SPDYE18: variants seen among roughly 807,000 people sequenced by gnomAD.
SPDYE18 encodes speedy/RINGO cell cycle regulator family member E18.
A neutral mutation model predicts 44.9 loss-of-function variants in SPDYE18; 6 were observed. The observed-to-expected ratio is 0.13, with a 90% CI of 0.07 to 0.26. The LOEUF (loss-of-function observed/expected upper bound fraction) is 0.26, where lower values mean the gene tolerates loss of function less well. Ranked by LOEUF, SPDYE18 falls within the 10% of genes least tolerant of loss-of-function variation. The probability of loss-of-function intolerance (pLI) is 1.00; values close to 1 mark genes in which losing one functional copy is unlikely to be tolerated. For synonymous variants in SPDYE18, 35 were observed against 177.1 expected, an observed-to-expected ratio of 0.20 and a Z score of 6.37; for missense variants, 121 against 463.2, an observed-to-expected ratio of 0.26 and a Z score of 6.78.
At chr7:77,058,950 A>G (rs965453572) in intron 3 of SPDYE18, among the ~76,000 whole-genome samples, 4 of 152,026 alleles carry the variant, frequency 2.6e-5, no homozygotes, top group African/African-American at 9.7e-5. Flanking sequence ...GAGCCACTGC[A>G]CCTAGCCCGA....
intron 1 of SPDYE18, among the ~76,000 whole-genome samples, 90 bp from the exon 2 acceptor site, chr7:77,061,023 T>G (rs1583980958): frequency 8.9e-6 from 1 of 112,626 alleles, no homozygotes. Flanking sequence ...TGTACAAGAG[T>G]GAGATTATCA....
chr7:77,060,947 G>T lies in SPDYE18; in HGVS notation c.-421-14C>A, dbSNP rs1200853425. The stretch of plus-strand genomic sequence containing the variant: ...TCAGAGTCCAGTCTGGTGGGAGAGG[G>T]AACAGAGTGGGAAAGAAAACTAGGG... On this transcript the variant is annotated splice_polypyrimidine_tract_variant and intron_variant, in intron 1 of 8. Coordinates refer to ENST00000510091, the MANE Select transcript of SPDYE18 (RefSeq NM_001394953.1). Among the ~76,000 whole-genome samples, 1 of 149,860 alleles carries T rather than the reference G, an allele frequency of 6.7e-6. No individual in the cohort carries two copies. Among genetic ancestry groups the T allele is most frequent in the Non-Finnish European group, 1.5e-5 (1 of 67,802 alleles).
chr7:77,057,533 C>A (rs1410615394), intron 4 of SPDYE18, 104 bp downstream of exon 4: 1 of 586,514 alleles, frequency 1.7e-6, no homozygotes, highest in African/African-American at 1.9e-5. Context: ...ATGGAGAGCT[C>A]ACCCACTGGG....
Position 77,050,945 on chromosome 7 carries a change from C to T in SPDYE18, c.*980G>A, listed in dbSNP as rs62474216. 0.97 allele frequency among the ~76,000 whole-genome samples: 145,242 copies of T among 149,128 alleles called. 70,680 individuals are homozygous for T. The highest frequency in any genetic ancestry group is 1 in the East Asian group (5,152 of 5,156). Reference sequence around the variant, plus strand: ...AAATATTTCAATAAATAAAATAATACTTAAATAATTCTATACCCATGTTTT... The same window carrying T: ...AAATATTTCAATAAATAAAATAATATTTAAATAATTCTATACCCATGTTTT... On this transcript the variant is annotated 3_prime_UTR_variant, in exon 9 of 9. Transcript: ENST00000510091.
chr7:77,057,345 G>C (rs1347272905), intron 4 of SPDYE18, among the ~76,000 whole-genome samples: 1 of 151,878 alleles, frequency 6.6e-6, no homozygotes, highest in East Asian at 1.9e-4. Flanking sequence ...TCAAAGTCCT[G>C]AGTTCAAGCA....
intron 5 of SPDYE18, 139 bp downstream of exon 5, chr7:77,056,411 C>G: frequency 3.0e-6 from 1 of 332,366 alleles, no homozygotes. Flanking sequence ...CTCTGTCTCA[C>G]AAAAAAAAAA....
intron 2 of SPDYE18, among the ~76,000 whole-genome samples, chr7:77,059,828 T>G (rs1789991256): frequency 6.8e-6 from 1 of 146,952 alleles, no homozygotes; most frequent in Non-Finnish European, 1.5e-5. Context: ...TTTTGTACTT[T>G]TAGTAGAGAC....
rs372257820 is a variant in SPDYE18 at position 77,051,580 on chromosome 7, G to T, written c.*345C>A. 6.6e-6 allele frequency among the ~76,000 whole-genome samples: 1 copy of T among 152,282 alleles called. No individual in the cohort carries two copies. Among genetic ancestry groups the T allele is most frequent in the African/African-American group, 2.4e-5 (1 of 41,486 alleles). ...TAAGAAACAGGACCTCCAGGTTCCG[G>T]CCCAGGGAGGTTGGAATTCAGCAAT... is the stretch of plus-strand genomic sequence containing the variant. On this transcript the variant is annotated 3_prime_UTR_variant, in exon 9 of 9. Coordinates refer to ENST00000510091, the MANE Select transcript of SPDYE18 (RefSeq NM_001394953.1).
chr7:77,053,123 G>C lies in SPDYE18; in HGVS notation c.836C>G (p.Ser279Cys). The C allele has an allele frequency of 6.2e-7, 1 of 1,614,220 alleles. No homozygotes were observed. Among genetic ancestry groups the C allele is most frequent in the Non-Finnish European group, 8.5e-7 (1 of 1,180,052 alleles). ...IFYFLYGKTR[S>C]RIPLVRNRRF... ...ACGGTTACGGACCAAGGGTATGCGA[G>C]AGCGGGTCTTCCCATACAGGAAGTA... is the stretch of plus-strand genomic sequence containing the variant. The change falls in exon 7 of 9, where the codon TCT (serine) becomes TGT (cysteine). Residue 279 changes from serine to cysteine, a missense_variant. Ser to Cys is a moderately radical substitution (Grantham distance 112). Transcript: ENST00000510091.
At chr7:77,053,932 C>T (rs930550818) in intron 6 of SPDYE18, among the ~76,000 whole-genome samples, 27 of 146,728 alleles carry the variant, frequency 1.8e-4, no homozygotes, top group African/African-American at 6.6e-4. Flanking sequence ...ATCGCTTGAG[C>T]CCAGGATATG....
At chr7:77,057,234 G>A (rs1789939365) in intron 4 of SPDYE18, among the ~76,000 whole-genome samples, 1 of 152,154 alleles carries the variant, frequency 6.6e-6, no homozygotes, top group Non-Finnish European at 1.5e-5. Context: ...GGGATTACAT[G>A]CATGAGCTAC....
chr7:77,058,800 G>A (rs1239574853), intron 3 of SPDYE18, among the ~76,000 whole-genome samples: 2 of 151,690 alleles, frequency 1.3e-5, no homozygotes, highest in Admixed American at 6.6e-5. Flanking sequence ...CCCGGCCTTC[G>A]TTTTTCTTTT....
chr7:77,052,078 T>G (rs2117310564), intron 8 of SPDYE18, among the ~76,000 whole-genome samples, 199 bp from the exon 9 acceptor site: 1 of 134,624 alleles, frequency 7.4e-6, no homozygotes, highest in South Asian at 2.7e-4. Flanking sequence ...ACTCCAAAAC[T>G]CACTTAATAC....
intron 2 of SPDYE18, 94 bp downstream of exon 2, chr7:77,060,259 A>G (rs1441547197): frequency 1.3e-5 from 19 of 1,510,924 alleles, no homozygotes; most frequent in Non-Finnish European, 1.6e-5. Flanking sequence ...GGCCTCCCAA[A>G]GTGCTGGGGT....
In SPDYE18 at chr7:77,050,880, T is replaced by A. The variant is rs1656263843; in HGVS notation, c.*1045A>T. ...TTTCCAAAATATTTAAAATAATATT[T>A]AAAGTAATAATAATATTTAAATAAA... On this transcript the variant is annotated 3_prime_UTR_variant, in exon 9 of 9. Coordinates refer to ENST00000510091, the MANE Select transcript of SPDYE18 (RefSeq NM_001394953.1). Among the ~76,000 whole-genome samples, 1 of 149,270 alleles carries A rather than the reference T, an allele frequency of 6.7e-6. No individual in the cohort carries two copies. Among genetic ancestry groups the A allele is most frequent in the South Asian group, 2.1e-4 (1 of 4,820 alleles).
At chr7:77,054,948 A>C (rs1208069227) in intron 6 of SPDYE18, among the ~76,000 whole-genome samples, 11 of 151,790 alleles carry the variant, frequency 7.2e-5, no homozygotes, top group Middle Eastern at 3.4e-3. Context: ...TTCTATTTTT[A>C]GTAGAGACGG....
At chr7:77,059,008 A>C (rs1332951358) in intron 3 of SPDYE18, among the ~76,000 whole-genome samples, 172 bp downstream of exon 3, 1 of 151,968 alleles carries the variant, frequency 6.6e-6, no homozygotes, top group African/African-American at 2.4e-5. Context: ...AGTCTAGCCT[A>C]GTCCTCTATC....
At chr7:77,057,264 T>C (rs1432642087) in intron 4 of SPDYE18, among the ~76,000 whole-genome samples, 1 of 151,704 alleles carries the variant, frequency 6.6e-6, no homozygotes, top group Admixed American at 6.6e-5. Flanking sequence ...CCTTGGTTTT[T>C]CTTTTGAGAC....
rs1340511968 is a variant in SPDYE18, at chr7:77,053,247, G to A, written c.756-44C>T. ...TTGGTGCTCAGGGGCACCACCAGGA[G>A]AGGCCTCCGGCTGAGGTCAGCTTCC... On this transcript the variant is annotated intron_variant, in intron 6 of 8. Coordinates refer to ENST00000510091, the MANE Select transcript of SPDYE18 (RefSeq NM_001394953.1). The A allele has an allele frequency of 1.1e-4, 185 of 1,610,742 alleles. 1 individual carries two copies. In the Middle Eastern group the frequency reaches 1.5e-3, roughly 13 times the overall value.
Sources: gnomAD v4.1 joint callset for allele counts (sites outside exome capture counted in the v4.1 genomes callset) on GRCh38, gnomAD v4.1.1 for gene constraint, MANE v1.5 for transcripts, NCBI Gene and HGNC (gene_info 2026-07-23, HGNC 2026-07-21) for gene names.